PRR12: variants seen among roughly 807,000 people sequenced by gnomAD.
The protein encoded by PRR12 is proline rich 12, also known as proline-rich protein 12.
A neutral mutation model predicts 138.0 loss-of-function variants in PRR12; 12 were observed. The observed-to-expected ratio is 0.09, with a 90% CI of 0.06 to 0.14. PRR12 has a LOEUF of 0.14. PRR12 is among the 10% of genes least tolerant of loss of function. The pLI is 1.00. For synonymous variants in PRR12, 1,567 were observed against 1,291.7 expected (o/e 1.21, Z -4.57); for missense variants, 2,692 against 2,861.3 (o/e 0.94, Z 1.35).
intron 10 of PRR12, among the ~76,000 whole-genome samples, chr19:49,621,287 G>C (rs917546005): frequency 2.1e-5 from 3 of 140,698 alleles, no homozygotes; most frequent in Non-Finnish European, 1.5e-5. Flanking sequence ...AGGGAGGAGC[G>C]GCTGGGGGTC....
In PRR12 at chr19:49,596,922, G is replaced by C; in HGVS notation, c.2587G>C (p.Ala863Pro). 1 of 1,548,288 alleles carries C rather than the reference G, an allele frequency of 6.5e-7. No homozygotes were observed. The highest frequency in any genetic ancestry group is 8.7e-7 in the Non-Finnish European group (1 of 1,153,306). ...HLRSHGLEPA[A>P]PSPRLRPEES... ...CCGCAGCCATGGCCTGGAGCCCGCG[G>C]CCCCCAGCCCCCGCCTGCGACCCGA... Residue 863 changes from alanine to proline, a missense_variant, in exon 4 of 14, where the codon GCC (alanine) becomes CCC (proline). This residue lies in a region of PRR12 where 840 missense variants were observed against 689.8 expected (regional missense o/e 1.22). Transcript: ENST00000418929. This position sits in a 1 kb window ranked among gnomAD's most constrained non-coding sequence, Gnocchi z 5.6.
At chr19:49,606,875 T>A (rs1337274880) in intron 6 of PRR12, among the ~76,000 whole-genome samples, 1 of 152,066 alleles carries the variant, frequency 6.6e-6, no homozygotes, top group Non-Finnish European at 1.5e-5. Context: ...GAAACCACTC[T>A]TAAAGCCCCT....
In PRR12 at chr19:49,595,768, G is replaced by GC; in HGVS notation, c.1439dup (p.Gln481ThrfsTer78). On this transcript the variant is annotated frameshift_variant, in exon 4 of 14. Coordinates refer to ENST00000418929, the MANE Select transcript of PRR12 (RefSeq NM_020719.3). LOFTEE classifies it high-confidence loss of function. The stretch of plus-strand genomic sequence containing the variant: ...AGCAAAGCCCCCAGCTACTCAGGGG[G>GC]CCCCCCACAGCCCCCCAGCGGCCCC... 1 of 1,597,778 alleles carries GC rather than the reference G, an allele frequency of 6.3e-7. No homozygotes were observed. Among genetic ancestry groups the GC allele is most frequent in the Non-Finnish European group, 8.5e-7 (1 of 1,173,548 alleles).
intron 4 of PRR12, 73 bp downstream of exon 4, chr19:49,598,086 T>C: frequency 2.4e-6 from 3 of 1,258,366 alleles, no homozygotes; most frequent in Non-Finnish European, 3.0e-6. Flanking sequence ...TTTTTTTTTT[T>C]TTTTTGAGAC....
chr19:49,597,211 C>A lies in PRR12; in HGVS notation c.2876C>A (p.Ala959Glu), dbSNP rs371098369. ...GAGGAGATGTTCGGTGGAGGGGCCG[C>A]GGACGACTACGGCAAGGCCGGGCCA... ...TMEEMFGGGA[A>E]DDYGKAGPPE... Residue 959 changes from alanine to glutamate, a missense_variant, in exon 4 of 14, where the codon GCG (alanine) becomes GAG (glutamate). By Grantham distance (107) the Ala-to-Glu change is moderately radical. Coordinates refer to ENST00000418929, the MANE Select transcript of PRR12 (RefSeq NM_020719.3). The surrounding 1 kb of genome is among the most constrained non-coding windows in gnomAD (Gnocchi z 6.3). The A allele has an allele frequency of 6.4e-7, 1 of 1,565,574 alleles. No individual in the cohort carries two copies.
Position 49,599,966 on chromosome 19 carries a change from T to A in PRR12, c.4345+28T>A. 6.4e-7 allele frequency: 1 copy of A among 1,557,174 alleles called. No individual in the cohort carries two copies. The highest frequency in any genetic ancestry group is 1.2e-5 in the South Asian group (1 of 83,412). Reference sequence around the variant, plus strand: ...GAGCTCTGGGCAGGTGGTCTGGGAGTAGAGCTTAAAGGTTATTATGATCAC... The same window carrying A: ...GAGCTCTGGGCAGGTGGTCTGGGAGAAGAGCTTAAAGGTTATTATGATCAC... On this transcript the variant is annotated intron_variant, in intron 5 of 13. Coordinates refer to ENST00000418929, the MANE Select transcript of PRR12 (RefSeq NM_020719.3). The surrounding 1 kb of genome is among the most constrained non-coding windows in gnomAD (Gnocchi z 5.0).
intron 6 of PRR12, among the ~76,000 whole-genome samples, chr19:49,612,480 G>A (rs76901369): frequency 0.018 from 2,708 of 152,122 alleles, 82 homozygotes; most frequent in African/African-American, 0.061. Flanking sequence ...GTGGGGTGGG[G>A]ATGCTGGGAG....
chr19:49,602,055 T>A (rs1358711572), intron 6 of PRR12, 137 bp downstream of exon 6: 1 of 1,092,616 alleles, frequency 9.2e-7, no homozygotes, highest in Non-Finnish European at 1.3e-6. Flanking sequence ...TGCAGTCCTA[T>A]GGGGCTGATA....
rs1394218358 is a variant in PRR12 at position 49,599,327 on chromosome 19, C to T, written c.3734C>T (p.Ala1245Val). The change falls in exon 5 of 14, where the codon GCC becomes GTC. Residue 1245 changes from alanine to valine, a missense_variant. Around this residue, in one of 11 missense-constraint regions of PRR12, gnomAD observed 326 missense variants for 344.2 expected, o/e 0.95. Transcript: ENST00000418929. The surrounding 1 kb of genome is among the most constrained non-coding windows in gnomAD (Gnocchi z 5.0). ...GGTCTGGGAACCTCATCGGGTGATG[C>T]CATATCAGGCACTGACCACAACAGC... ...GEGLGTSSGD[A>V]ISGTDHNSLD... 2 of 1,612,984 alleles carry T rather than the reference C, an allele frequency of 1.2e-6. No individual in the cohort carries two copies. Among genetic ancestry groups the T allele is most frequent in the South Asian group, 1.1e-5 (1 of 91,020 alleles).
Position 49,591,613 on chromosome 19 carries a change from T to A in PRR12, c.-42T>A. On this transcript the variant is annotated 5_prime_UTR_variant, in exon 1 of 14. Transcript: ENST00000418929. ...AGCGCGCGCGCGCCCCCTCCCTCCCTCCCTCCCTCCCCCTCCCCCCAATTT... is the reference window on the plus strand; with the variant it reads ...AGCGCGCGCGCGCCCCCTCCCTCCCACCCTCCCTCCCCCTCCCCCCAATTT... The A allele has an allele frequency of 1.9e-5, 2 of 108,002 alleles. No homozygotes were observed. The highest frequency in any genetic ancestry group is 1.8e-5 in the Non-Finnish European group (1 of 55,304). The allele number at this position is 108,002 out of a possible 1,614,324, so 6.7% of individuals were successfully genotyped here.
chr19:49,593,241 C>T (rs1879731935), intron 1 of PRR12, 86 bp from the exon 2 acceptor site: 2 of 537,072 alleles, frequency 3.7e-6, no homozygotes, highest in East Asian at 4.3e-5. Context: ...CTGGAAGGGT[C>T]CCCCCAACTC....
chr19:49,593,828 T>G (rs1449095751), intron 2 of PRR12, among the ~76,000 whole-genome samples: 1 of 152,144 alleles, frequency 6.6e-6, no homozygotes, highest in Admixed American at 6.5e-5. Flanking sequence ...TGGCTCTAAT[T>G]CTCTGGCCCG....
At chr19:49,598,112 C>T (rs1338274184) in intron 4 of PRR12, 99 bp downstream of exon 4, 8 of 1,221,144 alleles carry the variant, frequency 6.6e-6, no homozygotes, top group Admixed American at 4.2e-5. Flanking sequence ...CTCGCTCTGT[C>T]GTCCAGGCTG....
At chr19:49,611,553 AC>A in intron 6 of PRR12, among the ~76,000 whole-genome samples, 1 of 150,128 alleles carries the variant, frequency 6.7e-6, no homozygotes, top group African/African-American at 2.5e-5. Context: ...CAGGACAATC[AC>A]TTGAACCCAG....
chr19:49,610,925 A>G (rs2080862922), intron 6 of PRR12, among the ~76,000 whole-genome samples: 1 of 150,960 alleles, frequency 6.6e-6, no homozygotes, highest in African/African-American at 2.4e-5. Flanking sequence ...GCTCGCTGCA[A>G]CCTCTGCCTC....
At chr19:49,605,725 C>T (rs1442593107) in intron 6 of PRR12, among the ~76,000 whole-genome samples, 1 of 152,258 alleles carries the variant, frequency 6.6e-6, no homozygotes, top group African/African-American at 2.4e-5. Flanking sequence ...GGGAGTCAGT[C>T]GCCTGGCCAG....
chr19:49,594,418 C>T lies in PRR12; in HGVS notation c.200-36C>T. ...CTCTCTTGACTGTATCCTACCCACC[C>T]CCACCTGGCTGACTATAACCCCTGT... On this transcript the variant is annotated intron_variant, in intron 2 of 13. Coordinates refer to ENST00000418929, the MANE Select transcript of PRR12 (RefSeq NM_020719.3). The surrounding 1 kb of genome is among the most constrained non-coding windows in gnomAD (Gnocchi z 5.6). 6.6e-7 allele frequency: 1 copy of T among 1,518,494 alleles called. No individual in the cohort carries two copies. The highest frequency in any genetic ancestry group is 8.8e-7 in the Non-Finnish European group (1 of 1,130,930). 94.1% of individuals were successfully genotyped at this position (1,518,494 alleles called of 1,614,324 possible). A position where few individuals can be genotyped will look rare whatever the true frequency, so the allele number is the denominator to read the frequency against.
At position 49,595,417 on chromosome 19, in the gene PRR12, G is replaced by A. The variant is rs1228879244; in HGVS notation, c.1082G>A (p.Arg361Gln). 24 of 1,545,376 alleles carry A rather than the reference G, an allele frequency of 1.6e-5. No homozygotes were observed. The Admixed American group carries it at 1.8e-4, about 11-fold the overall frequency. ...GGAGCCACGGCTGGGGCATCTGGCC[G>A]GGCCACGGGCCCTGAGGCAGCAGGG... is the stretch of plus-strand genomic sequence containing the variant. ...PSGATAGASG[R>Q]ATGPEAAGGG... The change falls in exon 4 of 14, where the codon CGG becomes CAG. Residue 361 changes from arginine (R) to glutamine (Q), a missense_variant. Physicochemically the swap from Arg to Gln is conservative, Grantham distance 43 (BLOSUM62 1). This residue lies in a region of PRR12 where 523 missense variants were observed against 496.4 expected (regional missense o/e 1.05). Transcript: ENST00000418929.
At chr19:49,601,990 G>A in intron 6 of PRR12, 72 bp downstream of exon 6, 2 of 1,525,606 alleles carry the variant, frequency 1.3e-6, no homozygotes, top group East Asian at 2.4e-5. Flanking sequence ...CCCGCTGGAT[G>A]ACAGGCTTGT....
Sources: gnomAD v4.1 joint callset for allele counts (sites outside exome capture counted in the v4.1 genomes callset) on GRCh38, gnomAD v4.1.1 for gene constraint, gnomAD v4.1.1 regional missense constraint, Gnocchi (gnomAD v3.1) non-coding constraint, MANE v1.5 for transcripts, NCBI Gene and HGNC (gene_info 2026-07-23, HGNC 2026-07-21) for gene names.